Variants in CHCHD6 observed in about 807,000 individuals in gnomAD.
The protein encoded by CHCHD6 is MICOS complex subunit MIC25.
A neutral mutation model predicts 32.3 loss-of-function variants in CHCHD6; 28 were observed. The observed-to-expected ratio is 0.87, with a 90% CI of 0.64 to 1.19. The LOEUF is 1.19. Among genes scored for constraint, CHCHD6 ranks in the 50% most tolerant of loss-of-function variants. The pLI is 0.00. For synonymous variants in CHCHD6, 122 were observed against 117.5 expected (o/e 1.04, Z -0.25); for missense variants, 333 against 307.0 (o/e 1.08, Z -0.63).
intron 4 of CHCHD6, among the ~76,000 whole-genome samples, chr3:126,812,604 G>C (rs1261756780): frequency 1.4e-5 from 2 of 146,696 alleles, no homozygotes; most frequent in Non-Finnish European, 3.0e-5. Context: ...TTTTTTTTTT[G>C]TATTTTTAGT....
At chr3:126,759,086 C>G (rs1937071525) in intron 4 of CHCHD6, among the ~76,000 whole-genome samples, 1 of 152,216 alleles carries the variant, frequency 6.6e-6, no homozygotes, top group African/African-American at 2.4e-5. Context: ...CTCCTGCAGC[C>G]CTGCCACTTT....
chr3:126,776,715 G>A (rs1341438420), intron 4 of CHCHD6, among the ~76,000 whole-genome samples: 2 of 152,022 alleles, frequency 1.3e-5, no homozygotes, highest in Admixed American at 6.5e-5. Flanking sequence ...TCAATTCTGA[G>A]GTGAATTTTT....
chr3:126,875,334 A>C (rs1201601486), intron 5 of CHCHD6, among the ~76,000 whole-genome samples: 1 of 152,200 alleles, frequency 6.6e-6, no homozygotes, highest in Non-Finnish European at 1.5e-5. Context: ...TATGCCAGGG[A>C]AAGGGCTGCC....
intron 5 of CHCHD6, among the ~76,000 whole-genome samples, chr3:126,864,414 C>T (rs552099157): frequency 6.8e-6 from 1 of 148,056 alleles, no homozygotes; most frequent in East Asian, 2.1e-4. Context: ...TCCTCCTCCT[C>T]TTCCTGCTCC....
intron 4 of CHCHD6, chr3:126,766,926 G>T: frequency 9.6e-7 from 1 of 1,038,126 alleles, no homozygotes; most frequent in Non-Finnish European, 1.5e-6. Context: ...CATAGCCACT[G>T]AAGCCCCAGG....
rs188481737 is a variant in CHCHD6, at chr3:126,841,066, C to T, written c.412-11581C>T. ...CCACTCCCCTCACCCCACAACAGTC[C>T]CCAGAGTGTGATATTCCCCTTCCTG... is the stretch of plus-strand genomic sequence containing the variant. On this transcript the variant is annotated intron_variant, in intron 4 of 7. Coordinates refer to ENST00000290913, the MANE Select transcript of CHCHD6 (RefSeq NM_032343.3). Among the ~76,000 whole-genome samples, 541 of 151,744 alleles carry T rather than the reference C, an allele frequency of 3.6e-3. 5 individuals carry two copies. Among genetic ancestry groups the T allele is most frequent in the Non-Finnish European group, 6.2e-3 (420 of 67,938 alleles).
intron 4 of CHCHD6, among the ~76,000 whole-genome samples, chr3:126,850,472 A>G: frequency 6.6e-6 from 1 of 152,356 alleles, no homozygotes; most frequent in African/African-American, 2.4e-5. Context: ...CATTCATCAC[A>G]TAGACGTCCT....
chr3:126,786,425 C>G (rs9799182), intron 4 of CHCHD6, among the ~76,000 whole-genome samples: 30,067 of 152,108 alleles, frequency 0.2, 3,378 homozygotes, highest in African/African-American at 0.3. Context: ...AATGGTTGAA[C>G]TAGTTTACAG....
rs188491724 is a variant in CHCHD6 at position 126,779,523 on chromosome 3, G to A, written c.411+46301G>A. Among the ~76,000 whole-genome samples the A allele has an allele frequency of 4.4e-3, 577 of 132,030 alleles. 2 individuals are homozygous for A. The highest frequency in any genetic ancestry group is 6.7e-3 in the Non-Finnish European group (432 of 64,604). 86.6% of individuals were successfully genotyped at this position (132,030 alleles called of 152,430 possible). A position where few individuals can be genotyped will look rare whatever the true frequency, so the allele number is the denominator to read the frequency against. On this transcript the variant is annotated intron_variant, in intron 4 of 7. Coordinates refer to ENST00000290913, the MANE Select transcript of CHCHD6 (RefSeq NM_032343.3). ...CTGCACTCCATCCTGGCAACAGAGCGAGACTCCATCTCAAAAAAAAAAAAA... is the reference window on the plus strand; with the variant it reads ...CTGCACTCCATCCTGGCAACAGAGCAAGACTCCATCTCAAAAAAAAAAAAA...
At chr3:126,786,444 A>G (rs1424501889) in intron 4 of CHCHD6, among the ~76,000 whole-genome samples, 1 of 152,214 alleles carries the variant, frequency 6.6e-6, no homozygotes, top group Non-Finnish European at 1.5e-5. Flanking sequence ...AGTCCCACCA[A>G]CAGTGTAAAA....
chr3:126,723,063 C>T (rs1935380055), intron 1 of CHCHD6, among the ~76,000 whole-genome samples: 1 of 152,198 alleles, frequency 6.6e-6, no homozygotes. Context: ...AGAGACCGCT[C>T]TTTCCCCACT....
Position 126,704,274 on chromosome 3 carries a change from T to G in CHCHD6, c.-39T>G, listed in dbSNP as rs939760851. 8 of 1,548,298 alleles carry G rather than the reference T, an allele frequency of 5.2e-6. No individual in the cohort carries two copies. The African/African-American group carries it at 1.1e-4, about 21-fold the overall frequency. On this transcript the variant is annotated 5_prime_UTR_variant, in exon 1 of 8. Transcript: ENST00000290913. ...TTGGCCCGGTTGCTCTGGAGCCGGGTCTCGGGTCTGGTGGCTGCCGGCCCT... is the reference window on the plus strand; with the variant it reads ...TTGGCCCGGTTGCTCTGGAGCCGGGGCTCGGGTCTGGTGGCTGCCGGCCCT...
chr3:126,743,612 C>T (rs989379991), intron 4 of CHCHD6, among the ~76,000 whole-genome samples: 1 of 152,144 alleles, frequency 6.6e-6, no homozygotes, highest in African/African-American at 2.4e-5. Flanking sequence ...AGTGCTTTCT[C>T]TTCAGCCTCT....
chr3:126,772,145 A>G (rs1275596785), intron 4 of CHCHD6, among the ~76,000 whole-genome samples: 1 of 152,180 alleles, frequency 6.6e-6, no homozygotes, highest in African/African-American at 2.4e-5. Context: ...TTTGTCACCC[A>G]GGCTGGAGTG....
At chr3:126,852,207 C>T (rs748944332) in intron 4 of CHCHD6, among the ~76,000 whole-genome samples, 2 of 152,184 alleles carry the variant, frequency 1.3e-5, no homozygotes, top group Non-Finnish European at 2.9e-5. Flanking sequence ...GCACACCCAG[C>T]GGCCGGACAC....
chr3:126,747,657 C>T (rs2107666307), intron 4 of CHCHD6, among the ~76,000 whole-genome samples: 1 of 152,304 alleles, frequency 6.6e-6, no homozygotes, highest in South Asian at 2.1e-4. Flanking sequence ...TCTTGGATTT[C>T]ATCATGACTC....
At chr3:126,877,651 G>A (rs1050500291) in intron 5 of CHCHD6, among the ~76,000 whole-genome samples, 5 of 152,006 alleles carry the variant, frequency 3.3e-5, no homozygotes, top group Admixed American at 1.3e-4. Flanking sequence ...CAACCACACA[G>A]AAGGAAAAAA....
chr3:126,950,488 A>G (rs749761689), intron 6 of CHCHD6, among the ~76,000 whole-genome samples: 1 of 152,192 alleles, frequency 6.6e-6, no homozygotes, highest in South Asian at 2.1e-4. Context: ...GTCTTGCTCT[A>G]TATCTCAGGC....
At chr3:126,731,462 G>A (rs927582954) in intron 3 of CHCHD6, among the ~76,000 whole-genome samples, 4 of 152,114 alleles carry the variant, frequency 2.6e-5, no homozygotes, top group Non-Finnish European at 4.4e-5. Flanking sequence ...ATCTAAGAAG[G>A]GCTAAGAAGA....
Sources: gnomAD v4.1 joint callset for allele counts (sites outside exome capture counted in the v4.1 genomes callset) on GRCh38, gnomAD v4.1.1 for gene constraint, MANE v1.5 for transcripts, NCBI Gene and HGNC (gene_info 2026-07-23, HGNC 2026-07-21) for gene names.